PKHD1: variants seen among roughly 807,000 people sequenced by gnomAD.
PKHD1 encodes fibrocystin.
Under a neutral mutation model 412.0 loss-of-function variants are expected in PKHD1, and 291 were observed. That is an observed-to-expected ratio of 0.71 (90% CI 0.64 to 0.78). The LOEUF (loss-of-function observed/expected upper bound fraction) is 0.78. Ranked by LOEUF, PKHD1 falls within the 30% of genes least tolerant of loss-of-function variation. The pLI is 0.00. For missense variants in PKHD1, 4,825 were observed against 4,950.7 expected, an observed-to-expected ratio of 0.97 and a Z score of 0.76; for synonymous variants, 1,777 against 1,821.5, an observed-to-expected ratio of 0.98 and a Z score of 0.62.
chr6:51,621,973 C>T (rs1766679129), intron 66 of PKHD1: 1 of 152,172 alleles, frequency 6.6e-6, no homozygotes, highest in Non-Finnish European at 1.5e-5. Context: ...TCCACCTCTG[C>T]CTTGTTGATG....
chr6:51,950,478 T>C (rs1583528907), intron 36 of PKHD1, among the ~76,000 whole-genome samples: 1 of 152,182 alleles, frequency 6.6e-6, no homozygotes, highest in East Asian at 1.9e-4. Flanking sequence ...CACAATTCCA[T>C]AGGGCTCCTT....
chr6:51,718,472 T>G (rs1474412719), intron 60 of PKHD1, among the ~76,000 whole-genome samples: 2 of 152,248 alleles, frequency 1.3e-5, no homozygotes, highest in Non-Finnish European at 2.9e-5. Context: ...AAATGTGAGT[T>G]GTCACTATTG....
intron 61 of PKHD1, among the ~76,000 whole-genome samples, chr6:51,651,055 G>T (rs911317139): frequency 1.3e-5 from 2 of 152,132 alleles, no homozygotes; most frequent in Non-Finnish European, 2.9e-5. Flanking sequence ...GAGACTGAAA[G>T]ACCCCATCAA....
At position 51,616,298 on chromosome 6, in the gene PKHD1, G is replaced by A; in HGVS notation, c.*2783C>T. Reference sequence around the variant, plus strand: ...CCATCAATACAGAAAATCAGCAATGGGAGGCAAGAAGAGATTCTTTGAACT... The same window carrying A: ...CCATCAATACAGAAAATCAGCAATGAGAGGCAAGAAGAGATTCTTTGAACT... On this transcript the variant is annotated 3_prime_UTR_variant, in exon 67 of 67. Transcript: ENST00000371117. 5.8e-6 allele frequency: 1 copy of A among 173,420 alleles called. No homozygotes were observed. The highest frequency in any genetic ancestry group is 2.4e-3 in the Middle Eastern group (1 of 424). 10.7% of individuals were successfully genotyped at this position (173,420 alleles called of 1,614,324 possible).
intron 38 of PKHD1, 59 bp from the exon 39 acceptor site, chr6:51,912,015 A>C: frequency 7.8e-7 from 1 of 1,283,514 alleles, no homozygotes; most frequent in Non-Finnish European, 1.1e-6. Flanking sequence ...TACTAGGAAT[A>C]ATAAGCCACT....
At chr6:52,038,363 A>G (rs574992773) in intron 27 of PKHD1, among the ~76,000 whole-genome samples, 2 of 145,962 alleles carry the variant, frequency 1.4e-5, no homozygotes, top group African/African-American at 5.1e-5. Context: ...CAACAGAATG[A>G]GACTCGGTCT....
intron 52 of PKHD1, among the ~76,000 whole-genome samples, chr6:51,804,073 A>C (rs1346207450): frequency 1.3e-5 from 2 of 151,374 alleles, no homozygotes; most frequent in Admixed American, 6.6e-5. Context: ...TTTGCTTGTG[A>C]TACCCACCAA....
intron 60 of PKHD1, among the ~76,000 whole-genome samples, chr6:51,693,281 A>G (rs1475678860): frequency 1.3e-5 from 2 of 152,152 alleles, no homozygotes; most frequent in East Asian, 3.8e-4. Context: ...ACACTTTCCC[A>G]TTGGCCCTCC....
intron 54 of PKHD1, among the ~76,000 whole-genome samples, chr6:51,774,493 A>C (rs760133756): frequency 6.6e-6 from 1 of 151,988 alleles, no homozygotes; most frequent in Non-Finnish European, 1.5e-5. Context: ...ATATTCTTAT[A>C]ATAATCCATC....
intron 55 of PKHD1, among the ~76,000 whole-genome samples, chr6:51,763,065 G>C (rs553488175): frequency 6.6e-6 from 1 of 152,044 alleles, no homozygotes; most frequent in Non-Finnish European, 1.5e-5. Context: ...TTTCTCCTCA[G>C]GACTGATACT....
At chr6:51,965,102 T>TA (rs1246696736) in intron 35 of PKHD1, among the ~76,000 whole-genome samples, 2 of 152,156 alleles carry the variant, frequency 1.3e-5, no homozygotes, top group Non-Finnish European at 2.9e-5. Context: ...TTTGGCCAAT[T>TA]AAAATCCCAA....
At chr6:52,004,563 G>C (rs1009339082) in intron 35 of PKHD1, among the ~76,000 whole-genome samples, 4 of 152,134 alleles carry the variant, frequency 2.6e-5, no homozygotes, top group African/African-American at 7.2e-5. Flanking sequence ...CCATGTTCTT[G>C]AAGGTGGAGA....
chr6:51,632,456 A>G (rs971119734), intron 65 of PKHD1, 109 bp downstream of exon 65: 3 of 862,692 alleles, frequency 3.5e-6, no homozygotes, highest in Non-Finnish European at 5.5e-6. Flanking sequence ...ATTTTAGAGA[A>G]GCTCACAAAA....
intron 13 of PKHD1, among the ~76,000 whole-genome samples, chr6:52,063,282 T>G (rs1009446816): frequency 2.0e-5 from 3 of 152,236 alleles, no homozygotes; most frequent in Admixed American, 6.5e-5. Flanking sequence ...AATGCTAACT[T>G]GGGCTGAAGG....
At chr6:51,901,883 G>T (rs988374276) in intron 43 of PKHD1, among the ~76,000 whole-genome samples, 13 of 152,142 alleles carry the variant, frequency 8.5e-5, no homozygotes, top group African/African-American at 2.7e-4. Flanking sequence ...TGGAGGGAGA[G>T]CAAGCAGCTA....
chr6:51,999,573 C>T (rs1241125476), intron 35 of PKHD1, among the ~76,000 whole-genome samples: 4 of 152,120 alleles, frequency 2.6e-5, no homozygotes, highest in Admixed American at 2.6e-4. Context: ...GAGCAGACTT[C>T]AGTGCTGTGG....
chr6:51,707,908 C>T (rs988269640), intron 60 of PKHD1, among the ~76,000 whole-genome samples: 8 of 152,092 alleles, frequency 5.3e-5, no homozygotes, highest in Admixed American at 1.3e-4. Context: ...TCTCAATATG[C>T]TTTGTGAGAT....
chr6:51,904,499 G>A (rs1311024908), intron 41 of PKHD1, among the ~76,000 whole-genome samples: 1 of 152,090 alleles, frequency 6.6e-6, no homozygotes, highest in Non-Finnish European at 1.5e-5. Flanking sequence ...TGCTAATAGA[G>A]AAATTAGTCA....
At chr6:51,759,261 CCT>C (rs1787580551) in intron 55 of PKHD1, among the ~76,000 whole-genome samples, 2 of 152,102 alleles carry the variant, frequency 1.3e-5, no homozygotes, top group Admixed American at 1.3e-4. Flanking sequence ...TACCTGACTT[CCT>C]CTCTGCTTCA....
Sources: allele counts gnomAD v4.1 joint callset (sites outside exome capture counted in the v4.1 genomes callset), GRCh38; gene constraint gnomAD v4.1.1; transcripts MANE v1.5; gene names NCBI Gene and HGNC (gene_info 2026-07-23, HGNC 2026-07-21).